Variants in NAALADL2 observed in about 807,000 individuals in gnomAD.
The protein encoded by NAALADL2 is inactive N-acetylated-alpha-linked acidic dipeptidase-like protein 2.
A neutral mutation model predicts 87.2 loss-of-function variants in NAALADL2; 76 were observed. The ratio of observed to expected loss-of-function variants is 0.87; its 90% CI spans 0.72 to 1.05. The LOEUF is 1.05. NAALADL2 is among the 50% of genes least tolerant of loss of function. NAALADL2 has a pLI of 0.00. For missense variants in NAALADL2, 1,089 were observed against 945.8 expected (o/e 1.15, Z -1.99); for synonymous variants, 354 against 331.0 (o/e 1.07, Z -0.75).
chr3:175,336,937 T>C (rs759459983), intron 5 of NAALADL2, among the ~76,000 whole-genome samples: 54 of 152,172 alleles, frequency 3.5e-4, no homozygotes, highest in Admixed American at 2.0e-3. Flanking sequence ...ACAGTTTTTA[T>C]GATAATACAG....
chr3:175,139,847 C>T (rs779357999), intron 2 of NAALADL2, among the ~76,000 whole-genome samples: 27 of 152,122 alleles, frequency 1.8e-4, no homozygotes, highest in Non-Finnish European at 3.5e-4. Context: ...AAGCAAAACA[C>T]GCAACTCTAA....
At chr3:175,281,117 A>AT (rs958341453) in intron 4 of NAALADL2, among the ~76,000 whole-genome samples, 7 of 150,174 alleles carry the variant, frequency 4.7e-5, no homozygotes, top group African/African-American at 1.7e-4. Flanking sequence ...AAACTTAAAA[A>AT]AAATATATAT....
intron 2 of NAALADL2, among the ~76,000 whole-genome samples, chr3:174,704,385 G>A (rs535350603): frequency 6.6e-6 from 1 of 152,034 alleles, no homozygotes; most frequent in Non-Finnish European, 1.5e-5. Flanking sequence ...ATGTTCACTC[G>A]AAGAAAGAAA....
intron 3 of NAALADL2, among the ~76,000 whole-genome samples, chr3:174,823,952 A>G (rs116229305): frequency 0.019 from 2,909 of 152,242 alleles, 101 homozygotes; most frequent in African/African-American, 0.066. Context: ...AAATCTATAT[A>G]TTTTATTTTA....
intron 4 of NAALADL2, among the ~76,000 whole-genome samples, chr3:175,262,255 A>C (rs1480838274): frequency 1.3e-5 from 2 of 152,030 alleles, no homozygotes; most frequent in African/African-American, 4.8e-5. Flanking sequence ...TTTTACATGA[A>C]GCATTTGCAT....
At chr3:175,704,241 A>G (rs955050093) in intron 11 of NAALADL2, among the ~76,000 whole-genome samples, 4 of 152,190 alleles carry the variant, frequency 2.6e-5, no homozygotes, top group Admixed American at 6.5e-5. Context: ...TATTATTAGT[A>G]GAAAGTGGGG....
chr3:174,776,202 C>T (rs1204460390), intron 3 of NAALADL2, among the ~76,000 whole-genome samples: 3 of 151,992 alleles, frequency 2.0e-5, no homozygotes, highest in Non-Finnish European at 2.9e-5. Flanking sequence ...TGCAATAAAA[C>T]AGCCCAATAC....
chr3:174,478,270 G>T (rs1409695267), intron 1 of NAALADL2, among the ~76,000 whole-genome samples: 1 of 152,054 alleles, frequency 6.6e-6, no homozygotes, highest in African/African-American at 2.4e-5. Flanking sequence ...ATTTATGGTA[G>T]TTTAAATTTA....
intron 1 of NAALADL2, among the ~76,000 whole-genome samples, chr3:174,877,109 C>G (rs1054193732): frequency 2.6e-5 from 4 of 152,152 alleles, no homozygotes; most frequent in African/African-American, 9.6e-5. Flanking sequence ...TAAATACCAT[C>G]ACATTTAGTT....
intron 2 of NAALADL2, among the ~76,000 whole-genome samples, chr3:175,113,627 A>C (rs947118204): frequency 6.6e-6 from 1 of 151,458 alleles, no homozygotes; most frequent in Non-Finnish European, 1.5e-5. Context: ...AAGAGCAAGC[A>C]GCGTAAGAAT....
At chr3:175,736,425 AAGG>A (rs1233398287) in intron 11 of NAALADL2, among the ~76,000 whole-genome samples, 3 of 152,228 alleles carry the variant, frequency 2.0e-5, no homozygotes, top group East Asian at 1.9e-4. Flanking sequence ...TAAGATTTTG[AAGG>A]AGGTTTATTG....
chr3:175,231,505 G>A (rs927868921), intron 2 of NAALADL2, among the ~76,000 whole-genome samples: 7 of 151,940 alleles, frequency 4.6e-5, no homozygotes, highest in African/African-American at 1.7e-4. Flanking sequence ...CCACAATTGG[G>A]AAAAATTACT....
chr3:174,609,162 G>C (rs528810905), intron 2 of NAALADL2, among the ~76,000 whole-genome samples: 1 of 152,224 alleles, frequency 6.6e-6, no homozygotes, highest in Non-Finnish European at 1.5e-5. Flanking sequence ...TGGGATGTAT[G>C]TCAAAATAAT....
At chr3:175,188,478 C>A (rs1737666748) in intron 2 of NAALADL2, among the ~76,000 whole-genome samples, 1 of 152,130 alleles carries the variant, frequency 6.6e-6, no homozygotes, top group African/African-American at 2.4e-5. Context: ...GAACTGGAAT[C>A]TTGGGCAGCT....
At chr3:174,482,503 G>T (rs572315152) in intron 1 of NAALADL2, among the ~76,000 whole-genome samples, 1 of 152,080 alleles carries the variant, frequency 6.6e-6, no homozygotes, top group East Asian at 1.9e-4. Context: ...TTTAATTATT[G>T]ATGCTAAAGA....
At chr3:174,593,387 G>T (rs1469871866) in intron 2 of NAALADL2, among the ~76,000 whole-genome samples, 1 of 152,122 alleles carries the variant, frequency 6.6e-6, no homozygotes, top group Non-Finnish European at 1.5e-5. Context: ...CACTTTTGAG[G>T]AAGGCACTGC....
chr3:175,450,140 C>T (rs1016787405), intron 6 of NAALADL2, among the ~76,000 whole-genome samples: 4 of 151,948 alleles, frequency 2.6e-5, no homozygotes, highest in African/African-American at 9.7e-5. Flanking sequence ...ACCCCTTACC[C>T]TAATGTTTTG....
chr3:174,740,939 G>C lies in NAALADL2; in HGVS notation c.-9+3193G>C, dbSNP rs993545773. On this transcript the variant is annotated intron_variant, in intron 3 of 3. Coordinates refer to the NAALADL2 transcript ENST00000434257. Reference sequence around the variant, plus strand: ...TCTCACTAAACTATCCAATAAATTTGATTTATCTCAGAATGTACTGTTTGC... The same window carrying C: ...TCTCACTAAACTATCCAATAAATTTCATTTATCTCAGAATGTACTGTTTGC... 4.0e-5 allele frequency among the ~76,000 whole-genome samples: 6 copies of C among 151,770 alleles called. No homozygotes were observed. In the East Asian group the frequency reaches 1.2e-3, roughly 29 times the overall value.
At chr3:175,204,558 T>G (rs1740540000) in intron 2 of NAALADL2, among the ~76,000 whole-genome samples, 1 of 152,074 alleles carries the variant, frequency 6.6e-6, no homozygotes, top group Admixed American at 6.6e-5. Flanking sequence ...TGCCCACTCT[T>G]AGCACTCCTC....
Sources: allele counts gnomAD v4.1 joint callset (sites outside exome capture counted in the v4.1 genomes callset), GRCh38; gene constraint gnomAD v4.1.1; transcripts MANE v1.5; gene names NCBI Gene and HGNC (gene_info 2026-07-23, HGNC 2026-07-21).